The following MYO3A variants were observed in gnomAD, a reference collection of about 807,000 sequenced individuals.
The protein encoded by MYO3A is myosin-IIIa.
MYO3A carries 180 observed loss-of-function variants against 192.7 expected under a neutral mutation model. The ratio of observed to expected loss-of-function variants is 0.93; its 90% CI spans 0.83 to 1.06. MYO3A has a LOEUF of 1.06. Among genes scored for constraint, MYO3A ranks in the 50% least tolerant of loss-of-function variants. The pLI, the probability that MYO3A is intolerant of heterozygous loss-of-function variation, is 0.00. For missense variants in MYO3A, 1,896 were observed against 1,905.0 expected, an observed-to-expected ratio of 1.00 and a Z score of 0.09; for synonymous variants, 628 against 645.3, an observed-to-expected ratio of 0.97 and a Z score of 0.41.
chr10:26,021,215 T>G (rs1351707508), intron 7 of MYO3A, among the ~76,000 whole-genome samples: 1 of 152,182 alleles, frequency 6.6e-6, no homozygotes, highest in Non-Finnish European at 1.5e-5. Context: ...CCCTTTCCAT[T>G]TGGGACACGA....
intron 31 of MYO3A, among the ~76,000 whole-genome samples, chr10:26,179,040 C>T (rs1049564464): frequency 6.6e-6 from 1 of 150,764 alleles, no homozygotes; most frequent in Non-Finnish European, 1.5e-5. Context: ...CCCTGTGATC[C>T]GCCCGCCTTG....
intron 1 of MYO3A, among the ~76,000 whole-genome samples, chr10:25,934,862 T>G: frequency 6.7e-6 from 1 of 149,836 alleles, no homozygotes; most frequent in Non-Finnish European, 1.5e-5. Context: ...ACGGGAAGGG[T>G]GGCGTAAGGG....
chr10:25,985,117 C>T (rs7905996), intron 4 of MYO3A, among the ~76,000 whole-genome samples: 5,800 of 151,518 alleles, frequency 0.038, 401 homozygotes, highest in African/African-American at 0.13. Context: ...GTGTGCCTGT[C>T]GTCCCAGCTA....
At chr10:26,123,003 T>G (rs1838972088) in intron 18 of MYO3A, among the ~76,000 whole-genome samples, 1 of 152,176 alleles carries the variant, frequency 6.6e-6, no homozygotes, top group Non-Finnish European at 1.5e-5. Flanking sequence ...AGGGAATCGG[T>G]ATTGTAGGGA....
chr10:26,086,771 G>A (rs956055656), intron 14 of MYO3A, among the ~76,000 whole-genome samples: 1 of 152,142 alleles, frequency 6.6e-6, no homozygotes, highest in African/African-American at 2.4e-5. Flanking sequence ...GGGCACGGGG[G>A]CAGTGAGGCA....
At chr10:26,070,961 A>G (rs1291156631) in intron 14 of MYO3A, among the ~76,000 whole-genome samples, 1 of 152,148 alleles carries the variant, frequency 6.6e-6, no homozygotes, top group Non-Finnish European at 1.5e-5. Context: ...TATTATTAAG[A>G]CGTCAGTCTT....
chr10:25,957,005 G>C (rs1837588608), intron 4 of MYO3A, among the ~76,000 whole-genome samples: 1 of 152,122 alleles, frequency 6.6e-6, no homozygotes, highest in African/African-American at 2.4e-5. Flanking sequence ...TCCTGCATTA[G>C]TTTGCTAAGG....
chr10:26,033,163 T>C (rs2131163220), intron 10 of MYO3A, among the ~76,000 whole-genome samples: 1 of 152,274 alleles, frequency 6.6e-6, no homozygotes, highest in Admixed American at 6.5e-5. Flanking sequence ...AACCCCCACC[T>C]CCTGGGTTCC....
At chr10:26,176,524 G>T (rs974477053) in intron 30 of MYO3A, among the ~76,000 whole-genome samples, 177 bp from the exon 31 acceptor site, 2 of 152,302 alleles carry the variant, frequency 1.3e-5, no homozygotes, top group Admixed American at 6.5e-5. Context: ...GAGCACAAGG[G>T]GGGAAGGTTG....
intron 17 of MYO3A, among the ~76,000 whole-genome samples, chr10:26,112,446 A>T (rs140597360): frequency 4.5e-4 from 69 of 152,260 alleles, no homozygotes; most frequent in African/African-American, 1.5e-3. Flanking sequence ...GCTTTCTTGG[A>T]TATGTTGTTT....
chr10:26,170,564 C>A, intron 29 of MYO3A, 25 bp downstream of exon 29: 1 of 1,595,342 alleles, frequency 6.3e-7, no homozygotes, highest in South Asian at 1.1e-5. Context: ...ATTCTTATAC[C>A]GTTGTAACAT....
chr10:25,996,874 A>G (rs1239126287), intron 5 of MYO3A, among the ~76,000 whole-genome samples: 2 of 152,164 alleles, frequency 1.3e-5, no homozygotes, highest in Non-Finnish European at 2.9e-5. Flanking sequence ...TTTTTTGGCC[A>G]TTATCTTAGA....
chr10:26,013,923 C>T (rs1235163633), intron 6 of MYO3A, among the ~76,000 whole-genome samples: 2 of 151,962 alleles, frequency 1.3e-5, no homozygotes, highest in East Asian at 3.8e-4. Context: ...ATGTATACAC[C>T]ATGGAATACT....
chr10:26,045,086 C>T (rs1843560991), intron 10 of MYO3A, among the ~76,000 whole-genome samples: 1 of 152,160 alleles, frequency 6.6e-6, no homozygotes, highest in Non-Finnish European at 1.5e-5. Context: ...GCAAGGACTC[C>T]ATATGCTCAG....
In MYO3A at chr10:26,187,010, C is replaced by CT. The variant is rs1240812030; in HGVS notation, c.4439-6192dup. 7.9e-5 allele frequency among the ~76,000 whole-genome samples: 12 copies of CT among 152,250 alleles called. No homozygotes were observed. In the East Asian group the frequency reaches 2.3e-3, roughly 29 times the overall value. ...TATTACTTATTTTATTTACATTTAT[C>CT]TTTAAAGCATGAGAAATTTATTTTT... On this transcript the variant is annotated intron_variant, in intron 31 of 34. Transcript: ENST00000642920.
chr10:26,159,614 C>A (rs188151187), intron 26 of MYO3A, among the ~76,000 whole-genome samples: 1 of 152,018 alleles, frequency 6.6e-6, no homozygotes. Flanking sequence ...CTCCTGACCT[C>A]GTGATCCGCC....
chr10:26,128,653 A>G, intron 20 of MYO3A, 115 bp downstream of exon 20: 3 of 1,160,192 alleles, frequency 2.6e-6, no homozygotes, highest in Non-Finnish European at 3.7e-6. Flanking sequence ...TTAGAAAGAC[A>G]AAAGATTTTT....
intron 31 of MYO3A, among the ~76,000 whole-genome samples, chr10:26,181,864 G>GA (rs898053406): frequency 2.7e-5 from 4 of 148,888 alleles, no homozygotes; most frequent in Admixed American, 1.3e-4. Flanking sequence ...AATCAGAGCT[G>GA]AAAAAAAAAT....
At chr10:25,966,477 G>A (rs1023957207) in intron 4 of MYO3A, among the ~76,000 whole-genome samples, 1 of 152,100 alleles carries the variant, frequency 6.6e-6, no homozygotes, top group Non-Finnish European at 1.5e-5. Flanking sequence ...TATAAAAGGG[G>A]ACATTGATAG....
Sources: gnomAD v4.1 joint callset for allele counts (sites outside exome capture counted in the v4.1 genomes callset) on GRCh38, gnomAD v4.1.1 for gene constraint, MANE v1.5 for transcripts, NCBI Gene and HGNC (gene_info 2026-07-23, HGNC 2026-07-21) for gene names.